The following FAM174A variants were observed in gnomAD, a reference collection of about 807,000 sequenced individuals.
FAM174A encodes family with sequence similarity 174 member A.
A neutral mutation model predicts 14.3 loss-of-function variants in FAM174A; 14 were observed. The ratio of observed to expected loss-of-function variants is 0.98; its 90% CI spans 0.65 to 1.53. The LOEUF is 1.53. Among genes scored for constraint, FAM174A ranks in the 40% most tolerant of loss-of-function variants. The pLI is 0.00. For missense variants in FAM174A, 241 were observed against 249.6 expected (o/e 0.97, Z 0.23); for synonymous variants, 108 against 111.4 (o/e 0.97, Z 0.19).
chr5:100,558,536 G>A (rs1239619736), intron 1 of FAM174A, among the ~76,000 whole-genome samples: 2 of 151,792 alleles, frequency 1.3e-5, no homozygotes, highest in African/African-American at 2.4e-5. Context: ...TTGACAGTGG[G>A]GTATTAAAGT....
intron 2 of FAM174A, 51 bp from the exon 3 acceptor site, chr5:100,586,130 T>A: frequency 9.6e-7 from 1 of 1,038,894 alleles, no homozygotes; most frequent in Non-Finnish European, 1.4e-6. Flanking sequence ...TAAATGTTTT[T>A]AAAATTGTTC....
chr5:100,585,416 T>G (rs757505430), intron 2 of FAM174A, among the ~76,000 whole-genome samples: 2 of 152,128 alleles, frequency 1.3e-5, no homozygotes, highest in Non-Finnish European at 2.9e-5. Flanking sequence ...TTTTTAATAT[T>G]TCATTTTCTT....
intron 1 of FAM174A, among the ~76,000 whole-genome samples, chr5:100,558,655 G>C (rs1171433223): frequency 1.3e-5 from 2 of 152,018 alleles, no homozygotes; most frequent in African/African-American, 4.8e-5. Context: ...AGGATAGTTA[G>C]CTCTTCTTGT....
Position 100,586,425 on chromosome 5 carries a change from T to G in FAM174A, c.*241T>G, listed in dbSNP as rs1247434859. Reference sequence around the variant, plus strand: ...GGATAAAGTATACTGTAATAATTTATCTGTTTGAAAATTACTATAAAACGG... The same window carrying G: ...GGATAAAGTATACTGTAATAATTTAGCTGTTTGAAAATTACTATAAAACGG... On this transcript the variant is annotated 3_prime_UTR_variant, in exon 3 of 3. Transcript: ENST00000312637. The G allele has an allele frequency of 1.1e-5, 3 of 273,394 alleles. No homozygotes were observed. Among genetic ancestry groups the G allele is most frequent in the African/African-American group, 6.6e-5 (3 of 45,728 alleles). The allele number at this position is 273,394 out of a possible 1,614,324, so 16.9% of individuals were successfully genotyped here. A position where few individuals can be genotyped will look rare whatever the true frequency, so the allele number is the denominator to read the frequency against.
chr5:100,568,509 C>T (rs1002877346), intron 2 of FAM174A, among the ~76,000 whole-genome samples: 3 of 151,440 alleles, frequency 2.0e-5, no homozygotes, highest in Non-Finnish European at 3.0e-5. Flanking sequence ...TTGCTATACA[C>T]ACATATATGT....
chr5:100,575,779 T>C (rs1390986983), intron 2 of FAM174A, among the ~76,000 whole-genome samples: 2 of 152,172 alleles, frequency 1.3e-5, no homozygotes, highest in Non-Finnish European at 2.9e-5. Flanking sequence ...TTTTGCAATC[T>C]ACTCATCTGA....
chr5:100,546,631 A>C (rs1352027597), intron 1 of FAM174A, among the ~76,000 whole-genome samples: 5 of 152,198 alleles, frequency 3.3e-5, no homozygotes, highest in Non-Finnish European at 5.9e-5. Context: ...ATTTCTATTG[A>C]GCCTGGAAAT....
At chr5:100,556,886 A>C (rs547981379) in intron 1 of FAM174A, among the ~76,000 whole-genome samples, 82 of 152,314 alleles carry the variant, frequency 5.4e-4, no homozygotes, top group African/African-American at 1.9e-3. Context: ...TGTCATCTGC[A>C]AACAGGGGCA....
intron 2 of FAM174A, among the ~76,000 whole-genome samples, chr5:100,564,807 C>T (rs1746605936): frequency 6.6e-6 from 1 of 151,800 alleles, no homozygotes; most frequent in Admixed American, 6.6e-5. Flanking sequence ...AACATACAAT[C>T]TATGAAACTT....
intron 2 of FAM174A, among the ~76,000 whole-genome samples, chr5:100,569,411 C>T (rs982333015): frequency 4.0e-5 from 6 of 149,066 alleles, no homozygotes; most frequent in Non-Finnish European, 7.5e-5. Context: ...ATATTTACAG[C>T]TGCATATTAT....
chr5:100,573,001 A>G (rs1207623790), intron 2 of FAM174A, among the ~76,000 whole-genome samples: 2 of 152,202 alleles, frequency 1.3e-5, no homozygotes, highest in African/African-American at 2.4e-5. Flanking sequence ...TCTGATGGCC[A>G]GTGATGATAA....
chr5:100,562,273 A>G, intron 2 of FAM174A, 85 bp downstream of exon 2: 1 of 1,238,980 alleles, frequency 8.1e-7, no homozygotes, highest in Non-Finnish European at 1.1e-6. Context: ...ACTTTCATTT[A>G]ACAGCTTATA....
rs796402215 is a variant in FAM174A at position 100,570,425 on chromosome 5, T to C, written c.569+8237T>C. On this transcript the variant is annotated intron_variant, in intron 2 of 2. Transcript: ENST00000312637. ...TTAAACATTTTAAACTTTTCTTGTG[T>C]GAAAGCTGCACACTGATCTTATTGT... Among the ~76,000 whole-genome samples the C allele has an allele frequency of 4.6e-5, 7 of 152,112 alleles. 1 individual carries two copies. The highest frequency in any genetic ancestry group is 1.7e-4 in the African/African-American group (7 of 41,564).
Position 100,535,926 on chromosome 5 carries a change from C to T in FAM174A, c.396C>T (p.Ser132=), listed in dbSNP as rs1285246973. 6.2e-7 allele frequency: 1 copy of T among 1,607,628 alleles called. No individual in the cohort carries two copies. Among genetic ancestry groups the T allele is most frequent in the Non-Finnish European group, 8.5e-7 (1 of 1,176,160 alleles). Residue 132 remains serine (S), a synonymous_variant, in exon 1 of 3, where the codon AGC becomes AGT. Transcript: ENST00000312637. ...CCCTGACCGTGTTGATGGTGGTGAGCGGCGCGGTGCTGGTGTACTTCGTGG... is the reference window on the plus strand; with the variant it reads ...CCCTGACCGTGTTGATGGTGGTGAGTGGCGCGGTGCTGGTGTACTTCGTGG... ...QRALTVLMVV[S]GAVLVYFVVR...
chr5:100,575,542 G>T (rs1746885440), intron 2 of FAM174A, among the ~76,000 whole-genome samples: 1 of 151,984 alleles, frequency 6.6e-6, no homozygotes, highest in Non-Finnish European at 1.5e-5. Context: ...GAGAATGATG[G>T]TTTCCAGCTT....
chr5:100,561,441 C>A (rs1580371422), intron 1 of FAM174A, among the ~76,000 whole-genome samples: 1 of 152,080 alleles, frequency 6.6e-6, no homozygotes, highest in Non-Finnish European at 1.5e-5. Flanking sequence ...CTGCAAGAAC[C>A]ACTGATCTCA....
chr5:100,552,889 A>G (rs1471701496), intron 1 of FAM174A, among the ~76,000 whole-genome samples: 1 of 152,118 alleles, frequency 6.6e-6, no homozygotes, highest in East Asian at 1.9e-4. Context: ...ATAATTCTAT[A>G]TGAATAACCA....
At chr5:100,540,381 A>G (rs1746025235) in intron 1 of FAM174A, among the ~76,000 whole-genome samples, 1 of 152,054 alleles carries the variant, frequency 6.6e-6, no homozygotes, top group Non-Finnish European at 1.5e-5. Context: ...GTGCACAAGG[A>G]AAGTCCCTGC....
chr5:100,558,344 T>A (rs1379621122), intron 1 of FAM174A, among the ~76,000 whole-genome samples: 2 of 152,078 alleles, frequency 1.3e-5, no homozygotes, highest in Non-Finnish European at 2.9e-5. Flanking sequence ...TGCTGAGGAG[T>A]GCTTTACTTC....
Sources: allele counts gnomAD v4.1 joint callset (sites outside exome capture counted in the v4.1 genomes callset), GRCh38; gene constraint gnomAD v4.1.1; transcripts MANE v1.5; gene names NCBI Gene and HGNC (gene_info 2026-07-23, HGNC 2026-07-21).